Variants in CALN1 observed in about 807,000 individuals in gnomAD.
CALN1 encodes the protein calneuron 1.
Under a neutral mutation model 30.6 loss-of-function variants are expected in CALN1, and 17 were observed. That is an observed-to-expected ratio of 0.56 (90% confidence interval 0.38 to 0.83). The LOEUF is 0.83. Ranked by LOEUF, CALN1 falls within the 40% of genes least tolerant of loss-of-function variation. The probability of loss-of-function intolerance (pLI) is 0.00; values close to 1 mark genes in which losing one functional copy is unlikely to be tolerated. For missense variants in CALN1, 291 were observed against 354.9 expected (o/e 0.82, Z 1.45); for synonymous variants, 156 against 131.4 (o/e 1.19, Z -1.28).
At chr7:72,225,425 G>A (rs1178456295) in intron 3 of CALN1, among the ~76,000 whole-genome samples, 2 of 152,004 alleles carry the variant, frequency 1.3e-5, no homozygotes, top group African/African-American at 4.8e-5. Flanking sequence ...ACCCCAAAAA[G>A]GGCCACTTAC....
At chr7:71,989,394 G>A (rs35720869) in intron 5 of CALN1, among the ~76,000 whole-genome samples, 16,267 of 150,872 alleles carry the variant, frequency 0.11, 1,233 homozygotes, top group East Asian at 0.37. Flanking sequence ...AGCAGAGGTC[G>A]CATCACTGTA....
the CALN1 span, among the ~76,000 whole-genome samples, chr7:72,469,998 T>C: frequency 5.9e-5 from 9 of 152,136 alleles, no homozygotes; most frequent in Admixed American, 5.9e-4. Flanking sequence ...AGTGTAGAAT[T>C]ACTCCCTTCA....
intron 2 of CALN1, among the ~76,000 whole-genome samples, chr7:72,388,751 T>C (rs572074454): frequency 4.1e-4 from 62 of 152,324 alleles, no homozygotes; most frequent in African/African-American, 1.4e-3. Flanking sequence ...TGATCCCACA[T>C]ACATGACCAC....
chr7:71,974,963 TG>T (rs1798032837), intron 5 of CALN1, among the ~76,000 whole-genome samples: 3 of 152,208 alleles, frequency 2.0e-5, no homozygotes, highest in Admixed American at 6.5e-5. Flanking sequence ...ATTAACCTTC[TG>T]TCTGGGGAAA....
At chr7:72,153,521 T>TA (rs372104313) in intron 3 of CALN1, among the ~76,000 whole-genome samples, 27,222 of 142,858 alleles carry the variant, frequency 0.19, 2,556 homozygotes, top group East Asian at 0.3. Flanking sequence ...TCTACAAAAT[T>TA]AAAAAAAAAA....
intron 4 of CALN1, among the ~76,000 whole-genome samples, chr7:72,085,511 G>A (rs768078508): frequency 1.2e-4 from 19 of 152,210 alleles, no homozygotes; most frequent in Middle Eastern, 3.4e-3. Flanking sequence ...AAAAAGCATA[G>A]TATATACAGG....
At chr7:72,252,968 A>C (rs1189470652) in intron 3 of CALN1, among the ~76,000 whole-genome samples, 2 of 152,174 alleles carry the variant, frequency 1.3e-5, no homozygotes, top group African/African-American at 4.8e-5. Flanking sequence ...GGTATTTAAA[A>C]AACTTCACAA....
chr7:72,425,838 C>T (rs756586513), intron 1 of CALN1, among the ~76,000 whole-genome samples: 6 of 152,184 alleles, frequency 3.9e-5, no homozygotes, highest in Non-Finnish European at 5.9e-5. Flanking sequence ...CAGAGTCCCA[C>T]GTCTAAGCTG....
At chr7:72,467,905 C>T in the CALN1 span, among the ~76,000 whole-genome samples, 1 of 152,134 alleles carries the variant, frequency 6.6e-6, no homozygotes, top group Non-Finnish European at 1.5e-5. Flanking sequence ...CTCCAACAAC[C>T]ACCAATTTGT....
chr7:72,413,053 G>C (rs12540434), upstream of CALN1, among the ~76,000 whole-genome samples: 24,255 of 152,118 alleles, frequency 0.16, 2,831 homozygotes, highest in East Asian at 0.34. Flanking sequence ...GGGCTCACCC[G>C]GGGGGTTTGC....
intron 2 of CALN1, among the ~76,000 whole-genome samples, chr7:72,388,371 A>T (rs915178130): frequency 1.3e-5 from 2 of 152,010 alleles, no homozygotes; most frequent in African/African-American, 4.8e-5. Flanking sequence ...GAAAAATGCA[A>T]AAAAAACAAA....
At chr7:72,080,974 C>T (rs1174546441) in intron 4 of CALN1, among the ~76,000 whole-genome samples, 3 of 152,060 alleles carry the variant, frequency 2.0e-5, no homozygotes, top group Non-Finnish European at 2.9e-5. Context: ...TCTTAAAGCT[C>T]CCTTCGCCTA....
chr7:72,070,280 T>C (rs1184788316), intron 4 of CALN1, among the ~76,000 whole-genome samples: 2 of 152,132 alleles, frequency 1.3e-5, no homozygotes, highest in Non-Finnish European at 2.9e-5. Flanking sequence ...ACGTAAAAAC[T>C]TGCACTAAAA....
At chr7:72,212,072 G>T (rs1291068000) in intron 3 of CALN1, among the ~76,000 whole-genome samples, 1 of 152,116 alleles carries the variant, frequency 6.6e-6, no homozygotes, top group African/African-American at 2.4e-5. Context: ...CCAGAGAGGG[G>T]CCGGGCACGG....
intron 4 of CALN1, among the ~76,000 whole-genome samples, chr7:72,054,450 T>TATATAC (rs1563015511): frequency 8.7e-5 from 5 of 57,438 alleles, no homozygotes; most frequent in African/African-American, 2.3e-4. Context: ...TATATATACA[T>TATATAC]ATATATACAT....
intron 4 of CALN1, among the ~76,000 whole-genome samples, chr7:72,058,806 T>C (rs540498994): frequency 6.6e-6 from 1 of 151,980 alleles, no homozygotes; most frequent in African/African-American, 2.4e-5. Context: ...GGATGCTGAG[T>C]TGCAATGCAG....
At chr7:71,840,656 G>A (rs1789887645) in intron 5 of CALN1, among the ~76,000 whole-genome samples, 1 of 152,044 alleles carries the variant, frequency 6.6e-6, no homozygotes, top group Non-Finnish European at 1.5e-5. Context: ...GGCATTGATT[G>A]AACCGCTCAG....
intron 6 of CALN1, among the ~76,000 whole-genome samples, chr7:71,808,746 C>T (rs955047129): frequency 1.3e-5 from 2 of 152,078 alleles, no homozygotes; most frequent in Non-Finnish European, 2.9e-5. Flanking sequence ...CCAAAAATAC[C>T]CTTCTCCACC....
At chr7:72,232,087 G>C (rs1794145271) in intron 3 of CALN1, among the ~76,000 whole-genome samples, 1 of 152,156 alleles carries the variant, frequency 6.6e-6, no homozygotes, top group Non-Finnish European at 1.5e-5. Context: ...AAGGGTCAAA[G>C]AAGACAAAAG....
Sources: gnomAD v4.1 joint callset for allele counts (sites outside exome capture counted in the v4.1 genomes callset) on GRCh38, gnomAD v4.1.1 for gene constraint, MANE v1.5 for transcripts, NCBI Gene and HGNC (gene_info 2026-07-23, HGNC 2026-07-21) for gene names.